The following SLC30A9 variants were observed in gnomAD, a reference collection of about 807,000 sequenced individuals.
SLC30A9 encodes solute carrier family 30 member 9, also known as proton-coupled zinc antiporter SLC30A9, mitochondrial.
SLC30A9 carries 58 observed loss-of-function variants against 87.5 expected under a neutral mutation model. That is an observed-to-expected ratio of 0.66 (90% CI 0.54 to 0.82). The LOEUF is 0.82. Ranked by LOEUF, SLC30A9 falls within the 40% of genes least tolerant of loss-of-function variation. The pLI is 0.00. For missense variants in SLC30A9, 557 were observed against 679.1 expected (o/e 0.82, Z 2.00); for synonymous variants, 234 against 233.0 (o/e 1.00, Z -0.04).
intron 7 of SLC30A9, among the ~76,000 whole-genome samples, 154 bp downstream of exon 7, chr4:42,035,487 C>T (rs1402935442): frequency 1.3e-5 from 2 of 150,514 alleles, no homozygotes; most frequent in Admixed American, 6.6e-5. Flanking sequence ...CATTCATTTC[C>T]GTCTGATTTT....
chr4:42,018,005 A>G (rs1042418559), intron 2 of SLC30A9, 106 bp from the exon 3 acceptor site: 1 of 633,698 alleles, frequency 1.6e-6, no homozygotes, highest in Non-Finnish European at 2.8e-6. Context: ...GGTCTGATAC[A>G]TTGTCGTTTT....
At chr4:42,062,546 A>G (rs570361507) in intron 10 of SLC30A9, among the ~76,000 whole-genome samples, 1 of 152,358 alleles carries the variant, frequency 6.6e-6, no homozygotes, top group South Asian at 2.1e-4. Context: ...AAACTTCTGT[A>G]TCCAGCATCA....
chr4:42,028,053 T>G (rs1441866108), intron 6 of SLC30A9, among the ~76,000 whole-genome samples: 1 of 152,240 alleles, frequency 6.6e-6, no homozygotes, highest in Non-Finnish European at 1.5e-5. Flanking sequence ...GTGCTGAGTT[T>G]GAAGAGACTG....
At chr4:42,029,701 A>T in intron 6 of SLC30A9, 1 of 750,584 alleles carries the variant, frequency 1.3e-6, no homozygotes, top group Non-Finnish European at 2.5e-6. Flanking sequence ...TCTGGATTAA[A>T]TGACAAAACT....
At position 42,065,406 on chromosome 4, in the gene SLC30A9, G is replaced by T. The variant is rs1399621730; in HGVS notation, c.1072+57G>T. 6.4e-6 allele frequency: 6 copies of T among 935,846 alleles called. No individual in the cohort carries two copies. The African/African-American group carries it at 8.1e-5, about 13-fold the overall frequency. The allele number at this position is 935,846 out of a possible 1,614,324, so 58.0% of individuals were successfully genotyped here. ...TTAATTTAGTAATATATATTCAGCT[G>T]TCCATTATTATAGTTTGCTAAGTTC... On this transcript the variant is annotated intron_variant, in intron 12 of 17. Coordinates refer to ENST00000264451, the MANE Select transcript of SLC30A9 (RefSeq NM_006345.4).
intron 10 of SLC30A9, among the ~76,000 whole-genome samples, 192 bp from the exon 11 acceptor site, chr4:42,062,794 T>A (rs1005591521): frequency 6.6e-6 from 1 of 152,212 alleles, no homozygotes; most frequent in Non-Finnish European, 1.5e-5. Flanking sequence ...ATTCACTTTA[T>A]GTATTTTCAA....
At chr4:42,037,744 AG>A (rs966153097) in intron 7 of SLC30A9, among the ~76,000 whole-genome samples, 2 of 152,286 alleles carry the variant, frequency 1.3e-5, no homozygotes, top group Non-Finnish European at 1.5e-5. Flanking sequence ...GTCTTCAAAA[AG>A]GGGCAGTTCT....
At chr4:42,069,567 T>A (rs1718222310) in intron 14 of SLC30A9, among the ~76,000 whole-genome samples, 1 of 152,214 alleles carries the variant, frequency 6.6e-6, no homozygotes, top group Non-Finnish European at 1.5e-5. Context: ...TTTTTAGTGT[T>A]ACAGCTTAGC....
At chr4:42,019,388 G>T (rs1715848620) in intron 3 of SLC30A9, among the ~76,000 whole-genome samples, 1 of 152,134 alleles carries the variant, frequency 6.6e-6, no homozygotes, top group Admixed American at 6.5e-5. Context: ...GACTATAATT[G>T]ATGCCAAATT....
rs1717273508 is a variant in SLC30A9 at position 42,048,878 on chromosome 4, A to G, written c.738-499A>G. Among the ~76,000 whole-genome samples, 6 of 152,290 alleles carry G rather than the reference A, an allele frequency of 3.9e-5. No homozygotes were observed. In the South Asian group the frequency reaches 1.2e-3, roughly 32 times the overall value. On this transcript the variant is annotated intron_variant, in intron 8 of 17. Coordinates refer to ENST00000264451, the MANE Select transcript of SLC30A9 (RefSeq NM_006345.4). ...CATGCCTCTTAACAGTACATAATCT[A>G]TATTTTTTCAAATTTTTACTCTTGT... is the stretch of plus-strand genomic sequence containing the variant.
chr4:42,014,600 A>G (rs1052879824), intron 2 of SLC30A9, among the ~76,000 whole-genome samples: 2 of 152,034 alleles, frequency 1.3e-5, no homozygotes, highest in African/African-American at 4.8e-5. Flanking sequence ...AGCTATCTGC[A>G]TTCCCATGTT....
intron 7 of SLC30A9, among the ~76,000 whole-genome samples, chr4:42,036,498 G>A (rs768499089): frequency 1.3e-5 from 2 of 152,102 alleles, no homozygotes; most frequent in African/African-American, 2.4e-5. Flanking sequence ...CCTTTAAGAT[G>A]CCAAGCAGTC....
intron 16 of SLC30A9, among the ~76,000 whole-genome samples, chr4:42,076,739 G>A (rs372086712): frequency 1.8e-4 from 27 of 152,044 alleles, no homozygotes; most frequent in South Asian, 6.2e-4. Context: ...CGAGGTGGGC[G>A]GATCACGAGG....
Position 42,060,903 on chromosome 4 carries a change from C to A in SLC30A9, c.896+657C>A, listed in dbSNP as rs73812705. 6.4e-3 allele frequency among the ~76,000 whole-genome samples: 967 copies of A among 152,170 alleles called. 14 individuals are homozygous for A. The highest frequency in any genetic ancestry group is 0.022 in the African/African-American group (930 of 41,538). ...TTCTGTAAAGGAGTCTACCTCTATT[C>A]TTTAGAAATGCCTTTCTTTACTTGA... On this transcript the variant is annotated intron_variant, in intron 10 of 17. Transcript: ENST00000264451.
intron 17 of SLC30A9, among the ~76,000 whole-genome samples, chr4:42,084,222 T>A (rs2153141712): frequency 6.6e-6 from 1 of 152,308 alleles, no homozygotes; most frequent in Admixed American, 6.5e-5. Context: ...CCTGCCTCAG[T>A]ACTTATATTT....
chr4:42,067,024 C>A, intron 13 of SLC30A9, 61 bp from the exon 14 acceptor site: 1 of 909,038 alleles, frequency 1.1e-6, no homozygotes, highest in Non-Finnish European at 1.8e-6. Flanking sequence ...AAAATGTTAC[C>A]TGATAGTATC....
At chr4:42,064,937 T>TA in intron 11 of SLC30A9, among the ~76,000 whole-genome samples, 1 of 152,198 alleles carries the variant, frequency 6.6e-6, no homozygotes, top group Non-Finnish European at 1.5e-5. Flanking sequence ...AAGCTTTTTT[T>TA]ACCATCTTTA....
At chr4:41,993,776 G>A (rs1714563925) in intron 1 of SLC30A9, among the ~76,000 whole-genome samples, 1 of 152,180 alleles carries the variant, frequency 6.6e-6, no homozygotes, top group Non-Finnish European at 1.5e-5. Flanking sequence ...TAAATTGGTA[G>A]TTCATAGTTA....
At chr4:42,073,439 A>G (rs1315096590) in intron 15 of SLC30A9, among the ~76,000 whole-genome samples, 2 of 152,166 alleles carry the variant, frequency 1.3e-5, no homozygotes, top group African/African-American at 2.4e-5. Context: ...AATTCATACA[A>G]TTTTTTTAAA....
Sources: gnomAD v4.1 joint callset for allele counts (sites outside exome capture counted in the v4.1 genomes callset) on GRCh38, gnomAD v4.1.1 for gene constraint, MANE v1.5 for transcripts, NCBI Gene and HGNC (gene_info 2026-07-23, HGNC 2026-07-21) for gene names.